The following GTF3A variants were observed in gnomAD, a reference collection of about 807,000 sequenced individuals.
GTF3A encodes general transcription factor IIIA, also known as transcription factor IIIA.
A neutral mutation model predicts 37.6 loss-of-function variants in GTF3A; 40 were observed. That is an observed-to-expected ratio of 1.06 (90% CI 0.83 to 1.38). The LOEUF is 1.38. GTF3A is among the 40% of genes most tolerant of loss of function. GTF3A has a pLI of 0.00. For missense variants in GTF3A, 500 were observed against 462.6 expected, an observed-to-expected ratio of 1.08 and a Z score of -0.74; for synonymous variants, 191 against 166.7, an observed-to-expected ratio of 1.15 and a Z score of -1.12.
rs1213655108 is a variant in GTF3A, at chr13:27,429,925, C to T, written c.358C>T (p.His120Tyr). Residue 120 changes from histidine (H) to tyrosine (Y), a missense_variant, in exon 3 of 9, where the codon CAT becomes TAT. Transcript: ENST00000381140. ...CAACACAAAATCAAACTTGAAGAAA[C>T]ATTTTGAACGCAAACATGAAAATCA... 1.3e-6 allele frequency: 2 copies of T among 1,538,558 alleles called. No homozygotes were observed. Among genetic ancestry groups the T allele is most frequent in the South Asian group, 1.2e-5 (1 of 81,134 alleles).
intron 2 of GTF3A, chr13:27,429,329 T>C (rs924370890): frequency 6.9e-6 from 1 of 145,096 alleles, no homozygotes. Flanking sequence ...GAAAAGGCTT[T>C]GCAGAGGATT....
At position 27,435,782 on chromosome 13, in the gene GTF3A, T is replaced by C. The variant is rs1593182621; in HGVS notation, c.*185T>C. ...TTATATGCCTTCTCCTCATTTTTGCTGAAAGCACGAAGAACACACATTAAA... is the reference window on the plus strand; with the variant it reads ...TTATATGCCTTCTCCTCATTTTTGCCGAAAGCACGAAGAACACACATTAAA... On this transcript the variant is annotated 3_prime_UTR_variant, in exon 9 of 9. Transcript: ENST00000381140. 6.2e-6 allele frequency: 10 copies of C among 1,614,042 alleles called. No individual in the cohort carries two copies. In the South Asian group the frequency reaches 9.9e-5, roughly 16 times the overall value.
intron 1 of GTF3A, 26 bp downstream of exon 1, chr13:27,424,964 TG>T: frequency 6.6e-7 from 1 of 1,514,888 alleles, no homozygotes; most frequent in Non-Finnish European, 8.9e-7. Flanking sequence ...CTGCCAACCC[TG>T]GGCCTAGGGA....
In GTF3A at chr13:27,424,695, A is replaced by T; in HGVS notation, c.-43A>T. ...GCCGGTTCCCGGCACGTGTCTCGGCACGTGGCAGCGCGCCTGGCCCTGGGC... is the reference window on the plus strand; with the variant it reads ...GCCGGTTCCCGGCACGTGTCTCGGCTCGTGGCAGCGCGCCTGGCCCTGGGC... On this transcript the variant is annotated 5_prime_UTR_variant, in exon 1 of 9. Transcript: ENST00000381140. 7.5e-7 allele frequency: 1 copy of T among 1,328,374 alleles called. No homozygotes were observed. Among genetic ancestry groups the T allele is most frequent in the Non-Finnish European group, 9.7e-7 (1 of 1,033,306 alleles). The allele number at this position is 1,328,374 out of a possible 1,614,324, so 82.3% of individuals were successfully genotyped here. A position where few individuals can be genotyped will look rare whatever the true frequency, so the allele number is the denominator to read the frequency against.
intron 4 of GTF3A, 87 bp downstream of exon 4, chr13:27,430,708 G>A: frequency 2.4e-6 from 2 of 841,942 alleles, no homozygotes; most frequent in Non-Finnish European, 3.9e-6. Context: ...ATTGTTTCAT[G>A]TTTTTTGGCC....
intron 2 of GTF3A, among the ~76,000 whole-genome samples, chr13:27,428,263 T>A (rs756352216): frequency 5.3e-5 from 8 of 152,138 alleles, no homozygotes; most frequent in Non-Finnish European, 1.0e-4. Flanking sequence ...CTCCCTGGAC[T>A]CTCCATTCTT....
rs1462426587 is a variant in GTF3A, at chr13:27,435,698, C to G, written c.*101C>G. Reference sequence around the variant, plus strand: ...AATTACTGATGCAGAACATTTGATTCCTTATCATTTCCATGGTCTTTGTTC... The same window carrying G: ...AATTACTGATGCAGAACATTTGATTGCTTATCATTTCCATGGTCTTTGTTC... On this transcript the variant is annotated 3_prime_UTR_variant, in exon 9 of 9. Transcript: ENST00000381140. 1 of 1,613,952 alleles carries G rather than the reference C, an allele frequency of 6.2e-7. No individual in the cohort carries two copies. The highest frequency in any genetic ancestry group is 2.2e-5 in the East Asian group (1 of 44,880).
chr13:27,425,141 G>C (rs1359240462), intron 1 of GTF3A: 1 of 525,132 alleles, frequency 1.9e-6, no homozygotes, highest in Admixed American at 3.9e-5. Flanking sequence ...GCAGGGGCTC[G>C]GGATTTACTA....
In GTF3A at chr13:27,434,322, G is replaced by GT; in HGVS notation, c.643+106dup. The GT allele has an allele frequency of 4.1e-6, 3 of 728,842 alleles. No individual in the cohort carries two copies. The South Asian group carries it at 4.6e-5, about 11-fold the overall frequency. The allele number at this position is 728,842 out of a possible 1,614,324, so 45.1% of individuals were successfully genotyped here. Reference sequence around the variant, plus strand: ...ATGCTGTGTGCTTTAAAGTAAAAGGGTTTCTCTATGATATTTTGTGAAGTG... The same window carrying GT: ...ATGCTGTGTGCTTTAAAGTAAAAGGGTTTTCTCTATGATATTTTGTGAAGTG... On this transcript the variant is annotated intron_variant, in intron 6 of 8. Transcript: ENST00000381140.
intron 2 of GTF3A, among the ~76,000 whole-genome samples, 171 bp from the exon 3 acceptor site, chr13:27,429,699 C>T (rs1218949075): frequency 6.6e-6 from 1 of 152,134 alleles, no homozygotes; most frequent in Non-Finnish European, 1.5e-5. Flanking sequence ...TGATAGTCAT[C>T]AGGTTGAGAG....
intron 2 of GTF3A, among the ~76,000 whole-genome samples, chr13:27,427,603 T>G (rs1409032326): frequency 6.6e-6 from 1 of 151,974 alleles, no homozygotes; most frequent in Non-Finnish European, 1.5e-5. Flanking sequence ...CCAGGGCACT[T>G]TAATTGAAAA....
intron 3 of GTF3A, 24 bp downstream of exon 3, chr13:27,429,990 A>T: frequency 7.8e-7 from 1 of 1,290,024 alleles, no homozygotes. Flanking sequence ...TATATGCTTA[A>T]ATTTTTTGAG....
intron 6 of GTF3A, 52 bp from the exon 7 acceptor site, chr13:27,434,753 T>C (rs2138030634): frequency 9.8e-7 from 1 of 1,021,610 alleles, no homozygotes; most frequent in Non-Finnish European, 1.5e-6. Flanking sequence ...TAATTTTTTC[T>C]AAATGGTAAT....
At chr13:27,433,123 G>C (rs1247928208) in intron 5 of GTF3A, among the ~76,000 whole-genome samples, 2 of 150,850 alleles carry the variant, frequency 1.3e-5, no homozygotes, top group Non-Finnish European at 2.9e-5. Flanking sequence ...AATATTTACT[G>C]CCTGTGCCAT....
chr13:27,430,818 A>G (rs906945092), intron 4 of GTF3A, among the ~76,000 whole-genome samples, 197 bp downstream of exon 4: 1 of 152,168 alleles, frequency 6.6e-6, no homozygotes, highest in African/African-American at 2.4e-5. Flanking sequence ...GATCCTGGAT[A>G]TACATTCTTT....
intron 4 of GTF3A, among the ~76,000 whole-genome samples, chr13:27,432,373 A>G (rs1201534248): frequency 6.6e-6 from 1 of 152,204 alleles, no homozygotes; most frequent in Non-Finnish European, 1.5e-5. Context: ...CATCATTAGG[A>G]AAGCTAGACA....
chr13:27,427,252 TAAG>T, intron 2 of GTF3A, 60 bp downstream of exon 2: 2 of 800,992 alleles, frequency 2.5e-6, no homozygotes, highest in Admixed American at 4.0e-5. Flanking sequence ...ATAGACCCAG[TAAG>T]AAGATTGATG....
At chr13:27,428,422 C>T (rs1038666482) in intron 2 of GTF3A, among the ~76,000 whole-genome samples, 5 of 152,224 alleles carry the variant, frequency 3.3e-5, no homozygotes, top group Non-Finnish European at 7.3e-5. Context: ...GTGTGCTTCC[C>T]TTAAAGCTGT....
In GTF3A at chr13:27,424,901, G is replaced by A. The variant is rs1180095235; in HGVS notation, c.164G>A (p.Trp55Ter). 1.9e-6 allele frequency: 3 copies of A among 1,549,992 alleles called. No individual in the cohort carries two copies. The highest frequency in any genetic ancestry group is 4.9e-5 in the East Asian group (2 of 40,778). The change falls in exon 1 of 9, where the codon TGG (tryptophan) becomes TAG (stop). Residue 55 changes from tryptophan to a stop codon, truncating the protein, a stop_gained. Coordinates refer to ENST00000381140, the MANE Select transcript of GTF3A (RefSeq NM_002097.3). LOFTEE classifies it high-confidence loss of function. ...TGCAGCGCCAATTACAGCAAAGCCT[G>A]GAAGCTTGACGCGCACCTGTGCAAG...
Sources: gnomAD v4.1 joint callset for allele counts (sites outside exome capture counted in the v4.1 genomes callset) on GRCh38, gnomAD v4.1.1 for gene constraint, MANE v1.5 for transcripts, NCBI Gene and HGNC (gene_info 2026-07-23, HGNC 2026-07-21) for gene names.